DYNC2LI1: variants seen among roughly 807,000 people sequenced by gnomAD.
DYNC2LI1 encodes dynein cytoplasmic 2 light intermediate chain 1, also known as cytoplasmic dynein 2 light intermediate chain 1.
In DYNC2LI1, 45 loss-of-function variants were observed where a neutral mutation model predicts 51.9. The observed-to-expected ratio is 0.87, with a 90% confidence interval of 0.68 to 1.11. The LOEUF (loss-of-function observed/expected upper bound fraction) is 1.11. Among genes scored for constraint, DYNC2LI1 ranks in the 50% most tolerant of loss-of-function variants. DYNC2LI1 has a pLI of 0.00. For synonymous variants in DYNC2LI1, 130 were observed against 137.8 expected, an observed-to-expected ratio of 0.94 and a Z score of 0.40; for missense variants, 490 against 417.4, an observed-to-expected ratio of 1.17 and a Z score of -1.51.
intron 2 of DYNC2LI1, among the ~76,000 whole-genome samples, chr2:43,780,942 A>T (rs1673252309): frequency 6.6e-6 from 1 of 152,226 alleles, no homozygotes; most frequent in African/African-American, 2.4e-5. Flanking sequence ...ACCAGAGTGT[A>T]CTAATGAATT....
At chr2:43,821,904 A>G in the DYNC2LI1 span, among the ~76,000 whole-genome samples, 1 of 151,756 alleles carries the variant, frequency 6.6e-6, no homozygotes, top group Non-Finnish European at 1.5e-5. Flanking sequence ...CCCATCTTTG[A>G]AAGTGTGACC....
At chr2:43,804,281 A>G (rs1390105379) in intron 10 of DYNC2LI1, among the ~76,000 whole-genome samples, 1 of 152,168 alleles carries the variant, frequency 6.6e-6, no homozygotes, top group African/African-American at 2.4e-5. Context: ...TTCACTGATA[A>G]CAAATTATAC....
At chr2:43,790,511 G>T (rs977769621) in intron 5 of DYNC2LI1, among the ~76,000 whole-genome samples, 2 of 151,642 alleles carry the variant, frequency 1.3e-5, no homozygotes, top group African/African-American at 2.4e-5. Flanking sequence ...TGTTTTTCTA[G>T]AACTGGCTGG....
At chr2:43,798,747 G>C (rs1380496366) in intron 8 of DYNC2LI1, among the ~76,000 whole-genome samples, 6 of 152,154 alleles carry the variant, frequency 3.9e-5, no homozygotes, top group Non-Finnish European at 8.8e-5. Flanking sequence ...ACAGGGTTTG[G>C]GTTAGTGGAG....
At chr2:43,783,090 A>G (rs1381840953) in intron 2 of DYNC2LI1, among the ~76,000 whole-genome samples, 2 of 152,218 alleles carry the variant, frequency 1.3e-5, no homozygotes, top group Non-Finnish European at 1.5e-5. Flanking sequence ...TACTTTGAAC[A>G]TATTTACAAT....
chr2:43,782,672 A>G (rs1572697817), intron 2 of DYNC2LI1, among the ~76,000 whole-genome samples: 2 of 152,122 alleles, frequency 1.3e-5, no homozygotes, highest in Admixed American at 6.6e-5. Context: ...CAGAACTTGT[A>G]TTTCCTTACT....
At chr2:43,777,673 A>G (rs1379977356) in intron 2 of DYNC2LI1, among the ~76,000 whole-genome samples, 1 of 152,192 alleles carries the variant, frequency 6.6e-6, no homozygotes, top group African/African-American at 2.4e-5. Context: ...GCTTTCAGAA[A>G]CTACACTCTG....
intron 12 of DYNC2LI1, among the ~76,000 whole-genome samples, chr2:43,809,006 T>C (rs570427303): frequency 3.3e-4 from 50 of 150,794 alleles, no homozygotes; most frequent in African/African-American, 1.2e-3. Flanking sequence ...CACACTTTTT[T>C]GTGACAGGAT....
chr2:43,803,046 C>G (rs1666126667), intron 10 of DYNC2LI1, among the ~76,000 whole-genome samples: 1 of 152,058 alleles, frequency 6.6e-6, no homozygotes, highest in Admixed American at 6.6e-5. Context: ...GCAGAGAAAC[C>G]AGATCTCTCA....
At chr2:43,783,449 AT>A in intron 2 of DYNC2LI1, 70 bp from the exon 3 acceptor site, 1 of 1,188,974 alleles carries the variant, frequency 8.4e-7, no homozygotes, top group South Asian at 1.4e-5. Flanking sequence ...TTGGGCCACA[AT>A]TACGAACAAT....
chr2:43,800,545 A>T lies in DYNC2LI1; in HGVS notation c.655-296A>T, dbSNP rs145669448. Among the ~76,000 whole-genome samples, 670 of 152,274 alleles carry T rather than the reference A, an allele frequency of 4.4e-3. 2 individuals carry two copies. Among genetic ancestry groups the T allele is most frequent in the Non-Finnish European group, 7.8e-3 (527 of 67,986 alleles). On this transcript the variant is annotated intron_variant, in intron 8 of 12. Coordinates refer to ENST00000260605, the MANE Select transcript of DYNC2LI1 (RefSeq NM_016008.4). The stretch of plus-strand genomic sequence containing the variant: ...CATAAACATACATTCATATATATAT[A>T]TTTTAAAGAAATTATTTGACAGTGA...
rs752051473 is a variant in DYNC2LI1 at position 43,805,232 on chromosome 2, A to T, written c.979A>T (p.Ile327Phe). ...TGAAAATGAAGTCGATGAGATGAGA[A>T]TTCAGAAGGATCTGGTATTATCCTA... is the stretch of plus-strand genomic sequence containing the variant. ...YAENEVDEMRIQKDLELEQYK... is the reference protein window; with the variant it reads ...YAENEVDEMRFQKDLELEQYK... The change falls in exon 12 of 13, where the codon ATT (isoleucine) becomes TTT (phenylalanine). Residue 327 changes from isoleucine (I) to phenylalanine (F), a missense_variant. By Grantham distance (21) the Ile-to-Phe change is conservative (BLOSUM62 0). Transcript: ENST00000260605. The T allele has an allele frequency of 3.1e-6, 5 of 1,603,836 alleles. No individual in the cohort carries two copies. The highest frequency in any genetic ancestry group is 3.4e-6 in the Non-Finnish European group (4 of 1,170,974).
the DYNC2LI1 span, chr2:43,823,926 G>A: frequency 8.0e-5 from 129 of 1,614,142 alleles, no homozygotes; most frequent in South Asian, 7.7e-4. Context: ...GATTCACAGC[G>A]TTCAGCATGC....
the DYNC2LI1 span, among the ~76,000 whole-genome samples, chr2:43,821,174 A>G: frequency 6.6e-6 from 1 of 152,132 alleles, no homozygotes; most frequent in Non-Finnish European, 1.5e-5. Context: ...TTTCCTCTGT[A>G]CAAATCATGA....
rs764138278 is a variant in DYNC2LI1 at position 43,801,656 on chromosome 2, A to G, written c.749A>G (p.Asp250Gly). 1 of 1,610,440 alleles carries G rather than the reference A, an allele frequency of 6.2e-7. No individual in the cohort carries two copies. Reference sequence around the variant, plus strand: ...CCACGTAGCAAATCAATATGTGTGGATCAGAATAAACCGCTGTTTATCACA... The same window carrying G: ...CCACGTAGCAAATCAATATGTGTGGGTCAGAATAAACCGCTGTTTATCACA... Reference protein sequence around the residue: ...GIDKSKSICVDQNKPLFITAG... With the variant: ...GIDKSKSICVGQNKPLFITAG... The change falls in exon 10 of 13, where the codon GAT (aspartate) becomes GGT (glycine). Residue 250 changes from aspartate (D) to glycine (G), a missense_variant. Transcript: ENST00000260605.
chr2:43,784,669 G>A (rs926786432), intron 3 of DYNC2LI1, among the ~76,000 whole-genome samples: 9 of 152,118 alleles, frequency 5.9e-5, no homozygotes, highest in African/African-American at 2.2e-4. Flanking sequence ...CACGATGTCA[G>A]GTGATCCGCC....
downstream of DYNC2LI1, among the ~76,000 whole-genome samples, chr2:43,811,282 A>G (rs1264047311): frequency 6.6e-6 from 1 of 152,208 alleles, no homozygotes; most frequent in Non-Finnish European, 1.5e-5. Flanking sequence ...CATGTCAAAG[A>G]CCTTTTATAA....
At chr2:43,774,333 G>T (rs1172291446) in intron 1 of DYNC2LI1, among the ~76,000 whole-genome samples, 187 bp downstream of exon 1, 1 of 152,188 alleles carries the variant, frequency 6.6e-6, no homozygotes, top group Non-Finnish European at 1.5e-5. Context: ...AGAAAAGAAA[G>T]TTCCCTAGGT....
At chr2:43,780,006 T>C (rs983545468) in intron 2 of DYNC2LI1, among the ~76,000 whole-genome samples, 7 of 152,234 alleles carry the variant, frequency 4.6e-5, no homozygotes, top group South Asian at 2.1e-4. Context: ...CAGAGATGAT[T>C]GTAATGATAA....
Sources: allele counts gnomAD v4.1 joint callset (sites outside exome capture counted in the v4.1 genomes callset), GRCh38; gene constraint gnomAD v4.1.1; transcripts MANE v1.5; gene names NCBI Gene and HGNC (gene_info 2026-07-23, HGNC 2026-07-21).